LYPLAL1: variants seen among roughly 807,000 people sequenced by gnomAD.
LYPLAL1 encodes lysophospholipase-like protein 1.
Under a neutral mutation model 19.7 loss-of-function variants are expected in LYPLAL1, and 23 were observed. The ratio of observed to expected loss-of-function variants is 1.17; its 90% CI spans 0.84 to 1.65. LYPLAL1 has a LOEUF of 1.65. Among genes scored for constraint, LYPLAL1 ranks in the 40% most tolerant of loss-of-function variants. The probability of loss-of-function intolerance (pLI) is 0.00; values close to 1 mark genes in which losing one functional copy is unlikely to be tolerated. For missense variants in LYPLAL1, 355 were observed against 279.4 expected (o/e 1.27, Z -1.93); for synonymous variants, 119 against 96.3 (o/e 1.24, Z -1.38).
At chr1:219,326,505 A>G in the LYPLAL1 span, among the ~76,000 whole-genome samples, 2 of 152,106 alleles carry the variant, frequency 1.3e-5, no homozygotes, top group South Asian at 4.1e-4. Flanking sequence ...AGTGGAGGTT[A>G]TTACTATATA....
the LYPLAL1 span, among the ~76,000 whole-genome samples, chr1:219,278,951 C>G: frequency 6.6e-6 from 1 of 152,050 alleles, no homozygotes; most frequent in Admixed American, 6.6e-5. Context: ...ACCAAATATC[C>G]ATGGCAGTAG....
chr1:219,307,222 G>A, the LYPLAL1 span, among the ~76,000 whole-genome samples: 18 of 152,170 alleles, frequency 1.2e-4, no homozygotes, highest in Non-Finnish European at 1.5e-4. Context: ...GCTTGACTGC[G>A]TTTCCCGACT....
chr1:219,383,763 T>C, the LYPLAL1 span, among the ~76,000 whole-genome samples: 1 of 152,136 alleles, frequency 6.6e-6, no homozygotes, highest in Admixed American at 6.5e-5. Flanking sequence ...ACCAAATCAG[T>C]GTGTATTTAT....
the LYPLAL1 span, among the ~76,000 whole-genome samples, chr1:219,354,587 G>A: frequency 6.6e-6 from 1 of 152,150 alleles, no homozygotes; most frequent in East Asian, 1.9e-4. Flanking sequence ...CAACACCAAG[G>A]CACACTATAA....
the LYPLAL1 span, among the ~76,000 whole-genome samples, chr1:219,306,733 G>A: frequency 7.8e-6 from 1 of 127,580 alleles, no homozygotes; most frequent in African/African-American, 2.9e-5. Context: ...TAGGTAGACA[G>A]ACAGATGCAT....
chr1:219,288,989 G>A, the LYPLAL1 span, among the ~76,000 whole-genome samples: 3 of 151,364 alleles, frequency 2.0e-5, no homozygotes, highest in African/African-American at 4.9e-5. Flanking sequence ...AAATGTTACC[G>A]TCTTAATACA....
At chr1:219,194,822 T>G (rs1313204714) in intron 3 of LYPLAL1, among the ~76,000 whole-genome samples, 1 of 152,052 alleles carries the variant, frequency 6.6e-6, no homozygotes, top group Non-Finnish European at 1.5e-5. Flanking sequence ...CACAAATTAT[T>G]AAAATTTTAA....
the LYPLAL1 span, among the ~76,000 whole-genome samples, chr1:219,368,580 G>GA: frequency 6.6e-6 from 1 of 152,212 alleles, no homozygotes; most frequent in Admixed American, 6.5e-5. Flanking sequence ...GTCAGCCAGA[G>GA]AAAAATGGAG....
chr1:219,404,912 C>G, the LYPLAL1 span, among the ~76,000 whole-genome samples: 1 of 152,186 alleles, frequency 6.6e-6, no homozygotes, highest in Non-Finnish European at 1.5e-5. Context: ...ACAATTTCAT[C>G]CAGGACAGTG....
At chr1:219,241,596 A>G in the LYPLAL1 span, among the ~76,000 whole-genome samples, 6 of 152,190 alleles carry the variant, frequency 3.9e-5, no homozygotes, top group African/African-American at 1.4e-4. Flanking sequence ...ACATTGACCC[A>G]GTACAATTTC....
At chr1:219,225,128 T>G in the LYPLAL1 span, among the ~76,000 whole-genome samples, 2 of 152,170 alleles carry the variant, frequency 1.3e-5, no homozygotes, top group Non-Finnish European at 2.9e-5. Flanking sequence ...TGGCTCCATG[T>G]CTATACCTCT....
the LYPLAL1 span, among the ~76,000 whole-genome samples, chr1:219,408,868 A>G: frequency 6.6e-6 from 1 of 152,210 alleles, no homozygotes; most frequent in Admixed American, 6.5e-5. Flanking sequence ...ATATTTGGAA[A>G]GGTAAGTTGG....
At chr1:219,278,711 G>A in the LYPLAL1 span, among the ~76,000 whole-genome samples, 2 of 95,292 alleles carry the variant, frequency 2.1e-5, no homozygotes, top group East Asian at 2.5e-4. Context: ...ACAACAAAAC[G>A]TTTCATGGAT....
At chr1:219,328,511 GT>G in the LYPLAL1 span, among the ~76,000 whole-genome samples, 221 of 152,248 alleles carry the variant, frequency 1.5e-3, no homozygotes, top group Non-Finnish European at 2.5e-3. Flanking sequence ...ATACTGGCCA[GT>G]TGTGGATTTT....
chr1:219,336,845 T>C, the LYPLAL1 span, among the ~76,000 whole-genome samples: 1 of 152,164 alleles, frequency 6.6e-6, no homozygotes, highest in Non-Finnish European at 1.5e-5. Flanking sequence ...TCTGCCTCAA[T>C]ATTATTTTGA....
At chr1:219,323,518 C>T in the LYPLAL1 span, among the ~76,000 whole-genome samples, 1 of 152,156 alleles carries the variant, frequency 6.6e-6, no homozygotes, top group African/African-American at 2.4e-5. Context: ...AGCAGCCTGC[C>T]TGTCACATGT....
At chr1:219,259,504 T>A in the LYPLAL1 span, among the ~76,000 whole-genome samples, 1 of 150,836 alleles carries the variant, frequency 6.6e-6, no homozygotes, top group Non-Finnish European at 1.5e-5. Context: ...CTGGATGGGG[T>A]TGGAGACCAT....
At chr1:219,375,412 G>A in the LYPLAL1 span, among the ~76,000 whole-genome samples, 3 of 147,810 alleles carry the variant, frequency 2.0e-5, no homozygotes, top group East Asian at 6.1e-4. Flanking sequence ...GTTGCAGTGA[G>A]CCAGGATCGC....
At chr1:219,313,956 C>T in the LYPLAL1 span, among the ~76,000 whole-genome samples, 1 of 152,154 alleles carries the variant, frequency 6.6e-6, no homozygotes, top group Non-Finnish European at 1.5e-5. Context: ...ATAGATAGTT[C>T]TTTTTATCTT....
Sources: gnomAD v4.1 joint callset for allele counts (sites outside exome capture counted in the v4.1 genomes callset) on GRCh38, gnomAD v4.1.1 for gene constraint, MANE v1.5 for transcripts, NCBI Gene and HGNC (gene_info 2026-07-23, HGNC 2026-07-21) for gene names.